PCDHA1: variants seen among roughly 807,000 people sequenced by gnomAD.
The protein encoded by PCDHA1 is protocadherin alpha 1.
In PCDHA1, 42 loss-of-function variants were observed where a neutral mutation model predicts 61.3. The observed-to-expected ratio is 0.69, with a 90% CI of 0.54 to 0.89. The LOEUF (loss-of-function observed/expected upper bound fraction) is 0.89. Ranked by LOEUF, PCDHA1 falls within the 40% of genes least tolerant of loss-of-function variation. PCDHA1 has a pLI of 0.00. For missense variants in PCDHA1, 1,256 were observed against 1,235.3 expected (o/e 1.02, Z -0.25); for synonymous variants, 610 against 553.8 (o/e 1.10, Z -1.43).
Position 140,841,426 on chromosome 5 carries a change from C to A in PCDHA1, c.2394+52742C>A, listed in dbSNP as rs17844313. 720 of 1,612,904 alleles carry A rather than the reference C, an allele frequency of 4.5e-4. 14 individuals are homozygous for A. The East Asian group carries it at 5.0e-3, about 11-fold the overall frequency. ...GGAGCGGCCAGCTCCACTACTCCGT[C>A]CCCGAGGAGGCCAAACACGGCACCT... On this transcript the variant is annotated intron_variant, in intron 1 of 3. Coordinates refer to ENST00000504120, the MANE Select transcript of PCDHA1 (RefSeq NM_018900.4).
In PCDHA1 at chr5:140,788,493, G is replaced by A. The variant is rs782082535; in HGVS notation, c.2203G>A (p.Gly735Ser). ...GCCCACTGAGGGTGCGTATGTGCCG[G>A]GCAAGCCCACTCTGGTGTGCTCCAG... is the stretch of plus-strand genomic sequence containing the variant. ...VPPTEGAYVP[G>S]KPTLVCSSAL... Residue 735 changes from glycine (G) to serine (S), a missense_variant, in exon 1 of 4, where the codon GGC (glycine) becomes AGC (serine). Physicochemically the swap from Gly to Ser is moderately conservative, Grantham distance 56. Coordinates refer to ENST00000504120, the MANE Select transcript of PCDHA1 (RefSeq NM_018900.4). 1.2e-6 allele frequency: 2 copies of A among 1,614,102 alleles called. No homozygotes were observed. Among genetic ancestry groups the A allele is most frequent in the Non-Finnish European group, 1.7e-6 (2 of 1,179,988 alleles).
In PCDHA1 at chr5:140,835,680, C is replaced by A. The variant is rs2150241824; in HGVS notation, c.2394+46996C>A. ...GGTTACCGCGCGGGACGGGGGCTCGCCTTCTCTGTGGGCCACTGCTAGCGT... is the reference window on the plus strand; with the variant it reads ...GGTTACCGCGCGGGACGGGGGCTCGACTTCTCTGTGGGCCACTGCTAGCGT... On this transcript the variant is annotated intron_variant, in intron 1 of 3. Coordinates refer to ENST00000504120, the MANE Select transcript of PCDHA1 (RefSeq NM_018900.4). The A allele has an allele frequency of 5.6e-6, 9 of 1,613,886 alleles. No homozygotes were observed. The Admixed American group carries it at 1.5e-4, about 27-fold the overall frequency.
intron 1 of PCDHA1, chr5:140,802,225 T>C: frequency 6.2e-7 from 1 of 1,614,220 alleles, no homozygotes; most frequent in South Asian, 1.1e-5. Context: ...ATTGTGGACA[T>C]CAATGATAAT....
intron 1 of PCDHA1, chr5:140,803,053 G>C (rs1554122554): frequency 3.1e-6 from 5 of 1,613,966 alleles, no homozygotes; most frequent in South Asian, 1.1e-5. Flanking sequence ...GGCGGTGCGC[G>C]CATCCCGTTT....
intron 1 of PCDHA1, chr5:140,968,948 A>G (rs1554231262): frequency 2.5e-6 from 4 of 1,614,064 alleles, no homozygotes; most frequent in East Asian, 4.5e-5. Flanking sequence ...CATTTTGAGC[A>G]TCATCAAGTG....
intron 1 of PCDHA1, among the ~76,000 whole-genome samples, chr5:140,846,053 A>T (rs2150384240): frequency 6.7e-6 from 1 of 149,910 alleles, no homozygotes; most frequent in East Asian, 1.9e-4. Context: ...AACACCACCT[A>T]TGTGGGAAAA....
At chr5:140,857,858 G>A in intron 1 of PCDHA1, 3 of 1,597,854 alleles carry the variant, frequency 1.9e-6, no homozygotes, top group Non-Finnish European at 2.6e-6. Context: ...TGGATACAAC[G>A]CGTGGCTGTC....
Position 140,877,206 on chromosome 5 carries a change from C to A in PCDHA1, c.2394+88522C>A, listed in dbSNP as rs782807049. 10 of 1,613,650 alleles carry A rather than the reference C, an allele frequency of 6.2e-6. No homozygotes were observed. The highest frequency in any genetic ancestry group is 8.5e-6 in the Non-Finnish European group (10 of 1,179,798). On this transcript the variant is annotated intron_variant, in intron 1 of 3. Transcript: ENST00000504120. ...CTGGCAGCGCAGGAGGCGCAGTTAG[C>A]GAGTTGGTACCGCGGTCGGTGGGTG...
chr5:140,871,208 C>G, intron 1 of PCDHA1: 1 of 1,613,802 alleles, frequency 6.2e-7, no homozygotes, highest in Non-Finnish European at 8.5e-7. Context: ...CTGATCATCG[C>G]CATCTGCGTG....
intron 1 of PCDHA1, chr5:140,927,894 C>A (rs372774238): frequency 1.2e-6 from 2 of 1,614,208 alleles, no homozygotes; most frequent in East Asian, 2.2e-5. Context: ...CTGACGTGAA[C>A]GATCATGCCC....
Position 140,786,791 on chromosome 5 carries a change from T to G in PCDHA1, c.501T>G (p.Leu167=). 6.2e-7 allele frequency: 1 copy of G among 1,614,234 alleles called. No homozygotes were observed. The highest frequency in any genetic ancestry group is 8.5e-7 in the Non-Finnish European group (1 of 1,180,032). Residue 167 remains leucine (L), a synonymous_variant, in exon 1 of 4, where the codon CTT becomes CTG. Transcript: ENST00000504120. ...AADADIGANA[L]LTYTLSPSDY... is the part of the protein sequence containing the mutation. ...ATGCAGACATTGGTGCTAACGCTCTTCTAACGTACACGCTCAGCCCGAGTG... is the reference window on the plus strand; with the variant it reads ...ATGCAGACATTGGTGCTAACGCTCTGCTAACGTACACGCTCAGCCCGAGTG...
At chr5:140,805,029 A>G (rs1763495227) in intron 1 of PCDHA1, 1 of 1,581,346 alleles carries the variant, frequency 6.3e-7, no homozygotes, top group Admixed American at 1.7e-5. Flanking sequence ...CTTGAATATA[A>G]TAGAGTCAGC....
chr5:140,906,680 C>T (rs2072848945), intron 1 of PCDHA1, among the ~76,000 whole-genome samples: 2 of 152,166 alleles, frequency 1.3e-5, no homozygotes, highest in Admixed American at 6.5e-5. Context: ...AACCTTCATT[C>T]CTGAAGGATC....
At chr5:140,967,390 G>C (rs2096135950) in intron 1 of PCDHA1, 1 of 1,609,870 alleles carries the variant, frequency 6.2e-7, no homozygotes, top group African/African-American at 1.3e-5. Context: ...AAGTGCTTGA[G>C]CTGGTGCTGC....
chr5:140,896,432 G>C (rs2065542713), intron 1 of PCDHA1, among the ~76,000 whole-genome samples: 1 of 152,008 alleles, frequency 6.6e-6, no homozygotes, highest in African/African-American at 2.4e-5. Context: ...ATTCTGACTG[G>C]TGTGACTGCA....
rs2150532197 is a variant in PCDHA1, at chr5:140,853,456, T to A, written c.2394+64772T>A. 114 of 975,538 alleles carry A rather than the reference T, an allele frequency of 1.2e-4. 11 individuals are homozygous for A. The Admixed American group carries it at 6.5e-3, about 55-fold the overall frequency. The allele number at this position is 975,538 out of a possible 1,614,324, so 60.4% of individuals were successfully genotyped here. A position where few individuals can be genotyped will look rare whatever the true frequency, so the allele number is the denominator to read the frequency against. ...TCCTATTTTGCCTAATAGGTCTCCT[T>A]ATATGCATCTGTAGTTAACATTCCT... On this transcript the variant is annotated intron_variant, in intron 1 of 3. Transcript: ENST00000504120.
chr5:140,866,357 A>G (rs1397788324), intron 1 of PCDHA1: 1 of 152,156 alleles, frequency 6.6e-6, no homozygotes, highest in Non-Finnish European at 1.5e-5. Flanking sequence ...AATGTTTACA[A>G]TATTGCATAC....
rs1479171365 is a variant in PCDHA1, at chr5:140,869,633, A to AT, written c.2394+80954dup. 9 of 1,613,494 alleles carry AT rather than the reference A, an allele frequency of 5.6e-6. No homozygotes were observed. In the African/African-American group the frequency reaches 8.0e-5, roughly 14 times the overall value. On this transcript the variant is annotated intron_variant, in intron 1 of 3. Coordinates refer to ENST00000504120, the MANE Select transcript of PCDHA1 (RefSeq NM_018900.4). ...ACCTACAGGCTAAGTAAAAATGAGT[A>AT]TTTTTCTTTAGATTCACCAACAAAT...
At chr5:140,944,171 GT>G (rs1250322343) in intron 1 of PCDHA1, among the ~76,000 whole-genome samples, 1 of 152,008 alleles carries the variant, frequency 6.6e-6, no homozygotes, top group Non-Finnish European at 1.5e-5. Context: ...GCCAAGGCTG[GT>G]TTTTTGTTGG....
Sources: allele counts gnomAD v4.1 joint callset (sites outside exome capture counted in the v4.1 genomes callset), GRCh38; gene constraint gnomAD v4.1.1; transcripts MANE v1.5; gene names NCBI Gene and HGNC (gene_info 2026-07-23, HGNC 2026-07-21).